The following GORASP2 variants were observed in gnomAD, a reference collection of about 807,000 sequenced individuals.
GORASP2 encodes Golgi reassembly-stacking protein 2.
In GORASP2, 22 loss-of-function variants were observed where a neutral mutation model predicts 45.7. That is an observed-to-expected ratio of 0.48 (90% CI 0.34 to 0.69). The LOEUF is 0.69. GORASP2 is among the 30% of genes least tolerant of loss of function. The pLI, the probability that GORASP2 is intolerant of heterozygous loss-of-function variation, is 0.01. For missense variants in GORASP2, 491 were observed against 562.7 expected (o/e 0.87, Z 1.29); for synonymous variants, 221 against 215.6 (o/e 1.02, Z -0.22).
intron 8 of GORASP2, among the ~76,000 whole-genome samples, chr2:170,962,490 A>G (rs192643964): frequency 3.2e-3 from 495 of 152,348 alleles, no homozygotes; most frequent in Middle Eastern, 0.017. Context: ...TCAACCATCA[A>G]AGAAAAATTC....
At chr2:170,951,493 T>C (rs750325583) in intron 5 of GORASP2, 35 bp downstream of exon 5, 1 of 1,503,184 alleles carries the variant, frequency 6.7e-7, no homozygotes, top group Non-Finnish European at 9.1e-7. Flanking sequence ...TATGACTGCT[T>C]AAACATACCA....
rs1187803982 is a variant in GORASP2, at chr2:170,954,733, G to C, written c.650G>C (p.Gly217Ala). Residue 217 changes from glycine (G) to alanine (A), a missense_variant, in exon 6 of 10, where the codon GGA (glycine) becomes GCA (alanine). Physicochemically the swap from Gly to Ala is moderately conservative, Grantham distance 60. Transcript: ENST00000234160. ...FEEGKKISLP[G>A]QMAGTPITPL... ...GAAGGAAAGAAAATTTCTCTTCCAG[G>C]ACAAATGGCTGGTACACCTATTACA... 1 of 1,613,628 alleles carries C rather than the reference G, an allele frequency of 6.2e-7. No homozygotes were observed. The highest frequency in any genetic ancestry group is 8.5e-7 in the Non-Finnish European group (1 of 1,179,574).
rs143054056 is a variant in GORASP2, at chr2:170,940,881, T to G, written c.64-7469T>G. Among the ~76,000 whole-genome samples the G allele has an allele frequency of 5.9e-5, 9 of 152,302 alleles. No individual in the cohort carries two copies. The East Asian group carries it at 1.7e-3, about 29-fold the overall frequency. On this transcript the variant is annotated intron_variant, in intron 1 of 9. Coordinates refer to ENST00000234160, the MANE Select transcript of GORASP2 (RefSeq NM_015530.5). ...TCTTTTGTGACACACTAAATTGATT[T>G]CAGAACCTACTGAAATCATCCACTG...
intron 1 of GORASP2, among the ~76,000 whole-genome samples, chr2:170,941,880 G>T (rs1439106499): frequency 1.3e-5 from 2 of 152,102 alleles, no homozygotes; most frequent in Non-Finnish European, 2.9e-5. Flanking sequence ...TATACCCAAG[G>T]TTGGAATATA....
At chr2:170,946,257 C>A (rs1025808183) in intron 1 of GORASP2, among the ~76,000 whole-genome samples, 1 of 152,116 alleles carries the variant, frequency 6.6e-6, no homozygotes, top group Non-Finnish European at 1.5e-5. Flanking sequence ...CCTGCCTTGT[C>A]CTCCTAAAGT....
intron 1 of GORASP2, among the ~76,000 whole-genome samples, chr2:170,944,230 C>G (rs1262499732): frequency 6.6e-6 from 1 of 152,116 alleles, no homozygotes; most frequent in Non-Finnish European, 1.5e-5. Flanking sequence ...AGAAACTTAC[C>G]TGTGTCAGTG....
intron 5 of GORASP2, among the ~76,000 whole-genome samples, chr2:170,952,687 G>C (rs1215162555): frequency 1.3e-5 from 2 of 152,098 alleles, no homozygotes; most frequent in African/African-American, 4.8e-5. Context: ...GAGAATTGCA[G>C]GGTTTTGTTT....
chr2:170,951,533 T>G, intron 5 of GORASP2, 75 bp downstream of exon 5: 1 of 1,157,342 alleles, frequency 8.6e-7, no homozygotes, highest in Non-Finnish European at 1.2e-6. Flanking sequence ...TTGATTGTTT[T>G]TATTTTGAAA....
chr2:170,959,356 T>C (rs1179613943), intron 7 of GORASP2, among the ~76,000 whole-genome samples: 1 of 152,242 alleles, frequency 6.6e-6, no homozygotes, highest in East Asian at 1.9e-4. Context: ...TACGTTGTAG[T>C]TATACTTGTA....
At chr2:170,954,870 A>G in intron 6 of GORASP2, 88 bp downstream of exon 6, 1 of 975,776 alleles carries the variant, frequency 1.0e-6, no homozygotes, top group Non-Finnish European at 1.6e-6. Context: ...CAGTAGCACT[A>G]TGAAAATAGG....
At chr2:170,957,450 G>C (rs564882760) in intron 7 of GORASP2, among the ~76,000 whole-genome samples, 1 of 152,174 alleles carries the variant, frequency 6.6e-6, no homozygotes, top group Admixed American at 6.5e-5. Context: ...GCCAATTTTT[G>C]TATTTTTAGT....
intron 5 of GORASP2, among the ~76,000 whole-genome samples, chr2:170,953,144 T>C (rs1447683913): frequency 6.6e-6 from 1 of 152,078 alleles, no homozygotes; most frequent in Non-Finnish European, 1.5e-5. Context: ...TCACTTGAAC[T>C]CAGGAGTTCA....
chr2:170,952,583 T>G (rs1704323137), intron 5 of GORASP2, among the ~76,000 whole-genome samples: 1 of 152,266 alleles, frequency 6.6e-6, no homozygotes, highest in Admixed American at 6.5e-5. Flanking sequence ...CTTTGACCAA[T>G]AAGCACCTTG....
At position 170,941,202 on chromosome 2, in the gene GORASP2, C is replaced by T. The variant is rs187938161; in HGVS notation, c.64-7148C>T. Reference sequence around the variant, plus strand: ...TGTATAGTTTGAACCTTACAACTGCCAGTTAATGTGTTCATAATTTCTTCT... The same window carrying T: ...TGTATAGTTTGAACCTTACAACTGCTAGTTAATGTGTTCATAATTTCTTCT... On this transcript the variant is annotated intron_variant, in intron 1 of 9. Coordinates refer to ENST00000234160, the MANE Select transcript of GORASP2 (RefSeq NM_015530.5). Among the ~76,000 whole-genome samples the T allele has an allele frequency of 2.6e-5, 4 of 152,228 alleles. No homozygotes were observed. The East Asian group carries it at 7.7e-4, about 29-fold the overall frequency.
intron 1 of GORASP2, among the ~76,000 whole-genome samples, chr2:170,931,749 C>T (rs899642660): frequency 3.9e-5 from 6 of 152,092 alleles, no homozygotes; most frequent in African/African-American, 1.4e-4. Flanking sequence ...ATTTAGGGGA[C>T]AGCCTTTAAA....
At chr2:170,945,878 T>C (rs1474551590) in intron 1 of GORASP2, among the ~76,000 whole-genome samples, 3 of 152,214 alleles carry the variant, frequency 2.0e-5, no homozygotes, top group Admixed American at 6.5e-5. Context: ...GCTGTAGCTT[T>C]GTGTATGGTT....
intron 7 of GORASP2, among the ~76,000 whole-genome samples, chr2:170,960,861 A>T (rs964170289): frequency 1.3e-5 from 2 of 152,242 alleles, no homozygotes; most frequent in East Asian, 1.9e-4. Context: ...TTTAGGCACA[A>T]TTTATTCCCG....
Position 170,929,284 on chromosome 2 carries a change from G to T in GORASP2, c.-57G>T, listed in dbSNP as rs568288002. 2,248 of 1,279,950 alleles carry T rather than the reference G, an allele frequency of 1.8e-3. 3 individuals are homozygous for T. The highest frequency in any genetic ancestry group is 2.0e-3 in the Non-Finnish European group (1,983 of 997,180). The allele number at this position is 1,279,950 out of a possible 1,614,324, so 79.3% of individuals were successfully genotyped here. The stretch of plus-strand genomic sequence containing the variant: ...TACGCGGAGGATTAGAGCAGGCGGT[G>T]CGCTGGGGGCGGGAGCAGCGCGGAG... On this transcript the variant is annotated 5_prime_UTR_variant, in exon 1 of 10. Coordinates refer to ENST00000234160, the MANE Select transcript of GORASP2 (RefSeq NM_015530.5).
At chr2:170,964,887 T>A (rs1049929333) in intron 9 of GORASP2, among the ~76,000 whole-genome samples, 2 of 139,166 alleles carry the variant, frequency 1.4e-5, no homozygotes, top group African/African-American at 5.2e-5. Flanking sequence ...TTCATATGCA[T>A]TTTAATTTTT....
Sources: allele counts gnomAD v4.1 joint callset (sites outside exome capture counted in the v4.1 genomes callset), GRCh38; gene constraint gnomAD v4.1.1; transcripts MANE v1.5; gene names NCBI Gene and HGNC (gene_info 2026-07-23, HGNC 2026-07-21).